BOP1: variants seen among roughly 807,000 people sequenced by gnomAD.
BOP1 encodes BOP1 ribosomal biogenesis factor.
A neutral mutation model predicts 82.9 loss-of-function variants in BOP1; 54 were observed. The ratio of observed to expected loss-of-function variants is 0.65; its 90% CI spans 0.52 to 0.82. The LOEUF (loss-of-function observed/expected upper bound fraction) is 0.82, where lower values mean the gene tolerates loss of function less well. Ranked by LOEUF, BOP1 falls within the 40% of genes least tolerant of loss-of-function variation. The probability of loss-of-function intolerance (pLI) is 0.00; values close to 1 mark genes in which losing one functional copy is unlikely to be tolerated. For missense variants in BOP1, 1,170 were observed against 1,072.0 expected (o/e 1.09, Z -1.28); for synonymous variants, 566 against 451.1 (o/e 1.25, Z -3.23).
chr8:144,291,120 C>T lies in BOP1; in HGVS notation c.99+152G>A. 1 of 511,522 alleles carries T rather than the reference C, an allele frequency of 2.0e-6. No homozygotes were observed. Among genetic ancestry groups the T allele is most frequent in the Middle Eastern group, 6.4e-4 (1 of 1,570 alleles). 31.7% of individuals were successfully genotyped at this position (511,522 alleles called of 1,614,324 possible). A position where few individuals can be genotyped will look rare whatever the true frequency, so the allele number is the denominator to read the frequency against. On this transcript the variant is annotated intron_variant, in intron 1 of 15. Transcript: ENST00000569669. The surrounding 1 kb of genome is among the most constrained non-coding windows in gnomAD (Gnocchi z 4.1). ...CCCCGCAGTCCGCTCTGCCTGAGAC[C>T]CCCCGATAGAGGAGCTGCACCCACG...
At chr8:144,266,815 G>A in intron 3 of BOP1, 1 of 1,196,508 alleles carries the variant, frequency 8.4e-7, no homozygotes, top group Non-Finnish European at 1.0e-6. Context: ...GGGGCCAGGG[G>A]GCCGGCCAGG....
intron 3 of BOP1, among the ~76,000 whole-genome samples, chr8:144,273,471 C>G (rs1013442950): frequency 6.6e-6 from 1 of 152,246 alleles, no homozygotes; most frequent in Non-Finnish European, 1.5e-5. Flanking sequence ...GCGGCTCCTC[C>G]GGCCAGAGTG....
intron 3 of BOP1, chr8:144,266,783 G>GGGGCCGGC: frequency 9.1e-7 from 1 of 1,103,712 alleles, no homozygotes; most frequent in Non-Finnish European, 1.1e-6. Context: ...CGGAGGGCGG[G>GGGGCCGGC]GGGCCGGCGG....
intron 3 of BOP1, chr8:144,268,482 T>TA: frequency 2.3e-6 from 1 of 433,006 alleles, no homozygotes; most frequent in Non-Finnish European, 4.1e-6. Context: ...ATCTTCCAAA[T>TA]ATGGAGGCCA....
intron 3 of BOP1, among the ~76,000 whole-genome samples, chr8:144,269,074 G>A (rs1396783403): frequency 1.3e-5 from 2 of 152,136 alleles, no homozygotes; most frequent in African/African-American, 4.8e-5. Context: ...TGGGAAGGAG[G>A]ACCCCTGGCC....
intron 2 of BOP1, among the ~76,000 whole-genome samples, chr8:144,280,054 C>T (rs969421048): frequency 3.9e-5 from 6 of 152,220 alleles, no homozygotes; most frequent in Non-Finnish European, 8.8e-5. Flanking sequence ...GACCCTGCTG[C>T]TTTCGGCCTG....
In BOP1 at chr8:144,271,493, G is replaced by A. The variant is rs961117784; in HGVS notation, c.390+4731C>T. 8.6e-5 allele frequency among the ~76,000 whole-genome samples: 13 copies of A among 151,752 alleles called. No homozygotes were observed. The East Asian group carries it at 9.7e-4, about 11-fold the overall frequency. On this transcript the variant is annotated intron_variant, in intron 3 of 15. Transcript: ENST00000569669. ...AATGCGGGTAGTGTTCAGCGTTCGCGCCGCTCCCCTGCACAAAACGCCCGC... is the reference window on the plus strand; with the variant it reads ...AATGCGGGTAGTGTTCAGCGTTCGCACCGCTCCCCTGCACAAAACGCCCGC...
chr8:144,265,464 G>A (rs1845339061), intron 3 of BOP1: 1 of 303,796 alleles, frequency 3.3e-6, no homozygotes, highest in Non-Finnish European at 6.2e-6. Flanking sequence ...GGGGACTCGG[G>A]GAAGACCCCA....
chr8:144,262,339 AG>A, intron 15 of BOP1, 22 bp from the exon 16 acceptor site: 1 of 1,612,764 alleles, frequency 6.2e-7, no homozygotes, highest in Admixed American at 1.7e-5. Flanking sequence ...AGGAGGGCTC[AG>A]GGCACGGCCA....
chr8:144,268,199 G>A lies in BOP1; in HGVS notation c.391-3128C>T. ...CTGCTGGGGGAGGTGGACGCCCGGG[G>A]TGACTGCAGACAGCCCCCACCTTGG... is the stretch of plus-strand genomic sequence containing the variant. On this transcript the variant is annotated intron_variant, in intron 3 of 15. Coordinates refer to ENST00000569669, the MANE Select transcript of BOP1 (RefSeq NM_015201.5). 4 of 1,547,294 alleles carry A rather than the reference G, an allele frequency of 2.6e-6. No individual in the cohort carries two copies. The South Asian group carries it at 3.6e-5, about 14-fold the overall frequency.
intron 5 of BOP1, 44 bp from the exon 6 acceptor site, chr8:144,264,660 C>T (rs1191223530): frequency 5.7e-6 from 9 of 1,566,802 alleles, no homozygotes; most frequent in Non-Finnish European, 7.8e-6. Flanking sequence ...TGGCTGAGGC[C>T]CTGCTGGTGC....
chr8:144,283,076 T>C (rs1814760644), intron 2 of BOP1, among the ~76,000 whole-genome samples: 2 of 150,842 alleles, frequency 1.3e-5, no homozygotes, highest in African/African-American at 4.9e-5. Context: ...CTGGCATCTG[T>C]AATCCCAGCT....
chr8:144,282,545 G>A (rs1156246863), intron 2 of BOP1, among the ~76,000 whole-genome samples: 2 of 152,112 alleles, frequency 1.3e-5, no homozygotes, highest in Non-Finnish European at 2.9e-5. Context: ...GGGAAGGGAT[G>A]CCTGCCCTCA....
chr8:144,264,690 C>A, intron 5 of BOP1, 24 bp downstream of exon 5: 1 of 1,565,642 alleles, frequency 6.4e-7, no homozygotes, highest in East Asian at 2.4e-5. Context: ...CCCCGCCGCC[C>A]AGGGGCCAGC....
chr8:144,268,257 C>G, intron 3 of BOP1: 2 of 1,448,362 alleles, frequency 1.4e-6, no homozygotes, highest in Admixed American at 4.1e-5. Flanking sequence ...CGCAAGCATG[C>G]CCCCAGGCCA....
intron 2 of BOP1, among the ~76,000 whole-genome samples, chr8:144,283,630 A>C (rs890537775): frequency 2.6e-5 from 4 of 151,850 alleles, no homozygotes; most frequent in Admixed American, 2.0e-4. Flanking sequence ...CATTCTTTTT[A>C]TTTTTATTTT....
rs797039683 is a variant in BOP1 at position 144,280,994 on chromosome 8, T to C, written c.310-4690A>G. ...CTTTAATACCAGGTCTTCGGCCTTC[T>C]CTCACTTTCATACCAGGTCTTCGGC... On this transcript the variant is annotated intron_variant, in intron 2 of 15. Coordinates refer to ENST00000569669, the MANE Select transcript of BOP1 (RefSeq NM_015201.5). 9.5e-4 allele frequency among the ~76,000 whole-genome samples: 139 copies of C among 146,182 alleles called. No homozygotes were observed. In the Middle Eastern group the frequency reaches 0.018, roughly 19 times the overall value.
In BOP1 at chr8:144,263,594, G is replaced by A; in HGVS notation, c.1308C>T (p.Ser436=). 1 of 1,606,230 alleles carries A rather than the reference G, an allele frequency of 6.2e-7. No individual in the cohort carries two copies. Among genetic ancestry groups the A allele is most frequent in the Non-Finnish European group, 8.5e-7 (1 of 1,179,698 alleles). Residue 436 remains serine (S), a synonymous_variant, in exon 11 of 16, where the codon TCC becomes TCT. Coordinates refer to ENST00000569669, the MANE Select transcript of BOP1 (RefSeq NM_015201.5). ...CAGTGGCCACCTCCCAGAGCCGCAG[G>A]GAGCCGTCGTCAGAGCCTGGATGCG... ...QWLVSGSDDG[S]LRLWEVATAR... is the part of the protein sequence containing the mutation.
In BOP1 at chr8:144,262,676, G is replaced by A. The variant is rs1258083122; in HGVS notation, c.1895-4C>T. 3.7e-6 allele frequency: 6 copies of A among 1,613,094 alleles called. No individual in the cohort carries two copies. Among genetic ancestry groups the A allele is most frequent in the Admixed American group, 3.3e-5 (2 of 59,986 alleles). On this transcript the variant is annotated splice_polypyrimidine_tract_variant and splice_region_variant and intron_variant, in intron 13 of 15. Coordinates refer to ENST00000569669, the MANE Select transcript of BOP1 (RefSeq NM_015201.5). ...CTCCCACAGATGACGTTGTCACCTA[G>A]GGCCAAAGGCTGTGATGCAGGTGTT...
Sources: allele counts gnomAD v4.1 joint callset (sites outside exome capture counted in the v4.1 genomes callset), GRCh38; gene constraint gnomAD v4.1.1; non-coding constraint Gnocchi (gnomAD v3.1); transcripts MANE v1.5; gene names NCBI Gene and HGNC (gene_info 2026-07-23, HGNC 2026-07-21).